PTPN13: variants seen among roughly 807,000 people sequenced by gnomAD.
PTPN13 encodes the protein protein tyrosine phosphatase non-receptor type 13, also known as tyrosine-protein phosphatase non-receptor type 13.
In PTPN13, 191 loss-of-function variants were observed where a neutral mutation model predicts 284.0. The observed-to-expected ratio is 0.67, with a 90% CI of 0.60 to 0.76. PTPN13 has a LOEUF of 0.76. Ranked by LOEUF, PTPN13 falls within the 30% of genes least tolerant of loss-of-function variation. The pLI, the probability that PTPN13 is intolerant of heterozygous loss-of-function variation, is 0.00. For synonymous variants in PTPN13, 986 were observed against 1,022.3 expected (o/e 0.96, Z 0.68); for missense variants, 2,797 against 2,939.9 (o/e 0.95, Z 1.12).
chr4:86,749,241 T>G (rs984659330), intron 17 of PTPN13, among the ~76,000 whole-genome samples: 1 of 152,142 alleles, frequency 6.6e-6, no homozygotes, highest in Non-Finnish European at 1.5e-5. Context: ...TGATATTTTC[T>G]TTCTTCCTTC....
chr4:86,594,416 G>C lies in PTPN13; in HGVS notation c.-379G>C, dbSNP rs993832055. 6.6e-6 allele frequency: 1 copy of C among 152,382 alleles called. No homozygotes were observed. The highest frequency in any genetic ancestry group is 1.5e-5 in the Non-Finnish European group (1 of 68,076). 9.4% of individuals were successfully genotyped at this position (152,382 alleles called of 1,614,324 possible). On this transcript the variant is annotated 5_prime_UTR_variant, in exon 1 of 48. Coordinates refer to ENST00000411767, the MANE Select transcript of PTPN13 (RefSeq NM_080683.3). ...GCCGTGCTCCGTAGCTCCCCGGTCC[G>C]CCTCGGCAGCGGTCAGAGTCGCCTA...
chr4:86,800,659 GAA>G (rs1407284428), intron 42 of PTPN13, among the ~76,000 whole-genome samples: 4 of 139,604 alleles, frequency 2.9e-5, no homozygotes, highest in African/African-American at 5.2e-5. Context: ...CAGAAAGAAA[GAA>G]AGAGAGAGAG....
intron 37 of PTPN13, among the ~76,000 whole-genome samples, chr4:86,782,680 CAG>C (rs1741458951): frequency 6.6e-6 from 1 of 152,016 alleles, no homozygotes; most frequent in South Asian, 2.1e-4. Context: ...GAGGAAAAAA[CAG>C]AAGTAGCAAA....
rs961661309 is a variant in PTPN13 at position 86,700,835 on chromosome 4, T to C, written c.635-406T>C. The stretch of plus-strand genomic sequence containing the variant: ...AATATACTAGGGCTTTATAGTGATA[T>C]GACATACATTTGAGTTATACCTTTA... On this transcript the variant is annotated intron_variant, in intron 6 of 47. Transcript: ENST00000411767. 2.6e-5 allele frequency among the ~76,000 whole-genome samples: 4 copies of C among 152,324 alleles called. No individual in the cohort carries two copies. The East Asian group carries it at 5.8e-4, about 22-fold the overall frequency.
rs949744450 is a variant in PTPN13, at chr4:86,763,153, C to G, written c.3980C>G (p.Thr1327Ser). 1.2e-6 allele frequency: 2 copies of G among 1,613,534 alleles called. No individual in the cohort carries two copies. The highest frequency in any genetic ancestry group is 2.2e-5 in the South Asian group (2 of 91,070). The change falls in exon 24 of 48, where the codon ACT (threonine) becomes AGT (serine). Residue 1327 changes from threonine (T) to serine (S), a missense_variant. Physicochemically the swap from Thr to Ser is moderately conservative, Grantham distance 58 (BLOSUM62 1). Coordinates refer to ENST00000411767, the MANE Select transcript of PTPN13 (RefSeq NM_080683.3). ...DRGDSDMDEA[T>S]YSSSQDHQTP... is the part of the protein sequence containing the mutation. The stretch of plus-strand genomic sequence containing the variant: ...GGAGATTCAGACATGGATGAAGCCA[C>G]TTACTCCAGCAGTCAGGATCATCAA...
At chr4:86,722,904 T>A (rs1360263618) in intron 10 of PTPN13, among the ~76,000 whole-genome samples, 2 of 152,198 alleles carry the variant, frequency 1.3e-5, no homozygotes, top group Non-Finnish European at 2.9e-5. Context: ...AAAAGAGGAC[T>A]CCATTAGCTC....
At chr4:86,779,706 C>G (rs1741076238) in intron 35 of PTPN13, among the ~76,000 whole-genome samples, 1 of 152,082 alleles carries the variant, frequency 6.6e-6, no homozygotes, top group East Asian at 1.9e-4. Context: ...AGTATATTGC[C>G]TCTCCCAATA....
chr4:86,659,043 G>A (rs1726175361), intron 2 of PTPN13, among the ~76,000 whole-genome samples: 1 of 152,058 alleles, frequency 6.6e-6, no homozygotes, highest in Non-Finnish European at 1.5e-5. Flanking sequence ...AAACTGCTGT[G>A]AGGATACATC....
intron 32 of PTPN13, among the ~76,000 whole-genome samples, chr4:86,773,656 A>G (rs184263170): frequency 2.7e-3 from 408 of 152,166 alleles, no homozygotes; most frequent in Non-Finnish European, 4.8e-3. Flanking sequence ...TGATTACCCC[A>G]AAACTGTTAA....
chr4:86,645,505 G>A (rs1384421328), intron 2 of PTPN13, among the ~76,000 whole-genome samples: 1 of 152,116 alleles, frequency 6.6e-6, no homozygotes, highest in African/African-American at 2.4e-5. Context: ...TGAACTCATA[G>A]ATGTTTAACA....
In PTPN13 at chr4:86,635,322, G is replaced by T; in HGVS notation, c.66G>T (p.Trp22Cys). Reference sequence around the variant, plus strand: ...GACCACTTCAGGAGGAAGAAATATGGGCTGTATTAAATCAAAGTGCTGAAA... The same window carrying T: ...GACCACTTCAGGAGGAAGAAATATGTGCTGTATTAAATCAAAGTGCTGAAA... ...RGGPLQEEEI[W>C]AVLNQSAESL... Residue 22 changes from tryptophan (W) to cysteine (C), a missense_variant, in exon 2 of 48, where the codon TGG becomes TGT. Coordinates refer to ENST00000411767, the MANE Select transcript of PTPN13 (RefSeq NM_080683.3). 1 of 1,607,530 alleles carries T rather than the reference G, an allele frequency of 6.2e-7. No individual in the cohort carries two copies. Among genetic ancestry groups the T allele is most frequent in the Non-Finnish European group, 8.5e-7 (1 of 1,177,234 alleles).
chr4:86,774,471 T>C lies in PTPN13; in HGVS notation c.5448T>C (p.Asp1816=), dbSNP rs748777533. The C allele has an allele frequency of 2.5e-6, 4 of 1,605,854 alleles. No individual in the cohort carries two copies. Among genetic ancestry groups the C allele is most frequent in the Middle Eastern group, 3.3e-4 (2 of 6,058 alleles). Residue 1816 remains aspartate (D), a synonymous_variant, in exon 33 of 48, where the codon GAT becomes GAC. Transcript: ENST00000411767. ...AGAGAATTGGTTGTTATGTTCATGA[T>C]GTCATACAGGATCCAGCCAAAAGTG... The part of the protein sequence containing the change: ...GNQRIGCYVH[D]VIQDPAKSDG...
rs549517216 is a variant in PTPN13 at position 86,776,830 on chromosome 4, T to C, written c.5891+1178T>C. ...ATGAAACACAGGATGATTGTATGAG[T>C]ATTCAAAGTATGGTTTCTACCAAAT... On this transcript the variant is annotated intron_variant, in intron 35 of 47. Transcript: ENST00000411767. 3.3e-5 allele frequency among the ~76,000 whole-genome samples: 5 copies of C among 152,292 alleles called. 1 individual carries two copies. The South Asian group carries it at 1.0e-3, about 32-fold the overall frequency.
At chr4:86,627,701 C>T (rs1170405692) in intron 1 of PTPN13, among the ~76,000 whole-genome samples, 1 of 152,072 alleles carries the variant, frequency 6.6e-6, no homozygotes, top group African/African-American at 2.4e-5. Flanking sequence ...TTTAATCTTT[C>T]CCACATGCCT....
chr4:86,770,711 G>A (rs1205129454), intron 30 of PTPN13, among the ~76,000 whole-genome samples: 1 of 152,070 alleles, frequency 6.6e-6, no homozygotes, highest in Admixed American at 6.5e-5. Context: ...CCTATATTCT[G>A]ACAGTATAGA....
Position 86,751,218 on chromosome 4 carries a change from C to T in PTPN13, c.3166+94C>T, listed in dbSNP as rs567373479. The T allele has an allele frequency of 1.2e-4, 110 of 938,866 alleles. No homozygotes were observed. In the East Asian group the frequency reaches 2.9e-3, roughly 25 times the overall value. 58.2% of individuals were successfully genotyped at this position (938,866 alleles called of 1,614,324 possible). On this transcript the variant is annotated intron_variant, in intron 19 of 47. Coordinates refer to ENST00000411767, the MANE Select transcript of PTPN13 (RefSeq NM_080683.3). ...TTAATTATCAAATTATTTTGGGTTC[C>T]ATGTCCTAATTGCCAAAACTGAATA... is the stretch of plus-strand genomic sequence containing the variant.
intron 2 of PTPN13, among the ~76,000 whole-genome samples, chr4:86,646,487 G>A (rs796881882): frequency 3.3e-5 from 5 of 152,118 alleles, no homozygotes; most frequent in African/African-American, 1.2e-4. Context: ...TAGTAAAGAC[G>A]GGATTTTGCC....
chr4:86,720,223 A>T (rs574641533), intron 9 of PTPN13, among the ~76,000 whole-genome samples: 3 of 152,244 alleles, frequency 2.0e-5, no homozygotes, highest in Non-Finnish European at 4.4e-5. Context: ...TTTAAAACAT[A>T]TTCAAGCGAA....
At position 86,674,889 on chromosome 4, in the gene PTPN13, C is replaced by T. The variant is rs141092699; in HGVS notation, c.294+2346C>T. ...GGATGCAGTCATTCTGTACATTGTA[C>T]GATTCATTTAATAATATTTTTAAAA... is the stretch of plus-strand genomic sequence containing the variant. On this transcript the variant is annotated intron_variant, in intron 3 of 47. Coordinates refer to ENST00000411767, the MANE Select transcript of PTPN13 (RefSeq NM_080683.3). Among the ~76,000 whole-genome samples, 52 of 152,054 alleles carry T rather than the reference C, an allele frequency of 3.4e-4. No homozygotes were observed. The Middle Eastern group carries it at 0.01, about 30-fold the overall frequency.
Sources: allele counts gnomAD v4.1 joint callset (sites outside exome capture counted in the v4.1 genomes callset), GRCh38; gene constraint gnomAD v4.1.1; transcripts MANE v1.5; gene names NCBI Gene and HGNC (gene_info 2026-07-23, HGNC 2026-07-21).